The following MARCKS variants were observed in gnomAD, a reference collection of about 807,000 sequenced individuals.
MARCKS encodes the protein myristoylated alanine rich protein kinase C substrate, also known as myristoylated alanine-rich C-kinase substrate.
A neutral mutation model predicts 6.3 loss-of-function variants in MARCKS; 4 were observed. The observed-to-expected ratio is 0.63, with a 90% CI of 0.31 to 1.45. MARCKS has a LOEUF of 1.45. Among genes scored for constraint, MARCKS ranks in the 40% most tolerant of loss-of-function variants. The pLI is 0.07. For synonymous variants in MARCKS, 289 were observed against 236.5 expected, an observed-to-expected ratio of 1.22 and a Z score of -2.04; for missense variants, 636 against 485.7, an observed-to-expected ratio of 1.31 and a Z score of -2.91.
At position 113,860,284 on chromosome 6, in the gene MARCKS, A is replaced by G; in HGVS notation, c.704A>G (p.Gln235Arg). 1 of 1,228,898 alleles carries G rather than the reference A, an allele frequency of 8.1e-7. No individual in the cohort carries two copies. Among genetic ancestry groups the G allele is most frequent in the Non-Finnish European group, 1.0e-6 (1 of 962,076 alleles). The allele number at this position is 1,228,898 out of a possible 1,614,324, so 76.1% of individuals were successfully genotyped here. Residue 235 changes from glutamine (Q) to arginine (R), a missense_variant, in exon 2 of 2, where the codon CAG becomes CGG. Transcript: ENST00000612661. ...GEEGAAGGDP[Q>R]EAKPQEAAVA... ...GAGGGGGCGGCGGGTGGCGACCCGC[A>G]GGAGGCCAAGCCCCAGGAGGCCGCT...
rs1774896954 is a variant in MARCKS, at chr6:113,861,207, A to G, written c.*628A>G. On this transcript the variant is annotated 3_prime_UTR_variant, in exon 2 of 2. Coordinates refer to ENST00000612661, the MANE Select transcript of MARCKS (RefSeq NM_002356.7). ...AATACCCAGATTTAAAAAAAAAAAA[A>G]CGATCATAGTCTTAGGAGTTCATTT... is the stretch of plus-strand genomic sequence containing the variant. The G allele has an allele frequency of 6.6e-6, 1 of 152,418 alleles. No individual in the cohort carries two copies. The highest frequency in any genetic ancestry group is 6.5e-5 in the Admixed American group (1 of 15,272). 9.4% of individuals were successfully genotyped at this position (152,418 alleles called of 1,614,324 possible). A position where few individuals can be genotyped will look rare whatever the true frequency, so the allele number is the denominator to read the frequency against.
rs902548518 is a variant in MARCKS at position 113,857,536 on chromosome 6, T to C, written c.-210T>C. The C allele has an allele frequency of 7.2e-6, 4 of 552,056 alleles. No homozygotes were observed. Among genetic ancestry groups the C allele is most frequent in the Non-Finnish European group, 1.3e-5 (4 of 311,996 alleles). 34.2% of individuals were successfully genotyped at this position (552,056 alleles called of 1,614,324 possible). A position where few individuals can be genotyped will look rare whatever the true frequency, so the allele number is the denominator to read the frequency against. ...TCCCTCCTGTGCTGCTGCTTTTTGA[T>C]CTCTTCGACTAAAATTTTTTTATCC... On this transcript the variant is annotated 5_prime_UTR_variant, in exon 1 of 2. Coordinates refer to ENST00000612661, the MANE Select transcript of MARCKS (RefSeq NM_002356.7).
intron 1 of MARCKS, among the ~76,000 whole-genome samples, chr6:113,858,804 C>G (rs1774829519): frequency 6.6e-6 from 1 of 152,266 alleles, no homozygotes; most frequent in Admixed American, 6.5e-5. Context: ...GCTTTAAACC[C>G]GTTAAAAATG....
In MARCKS at chr6:113,860,221, A is replaced by C. The variant is rs1300064055; in HGVS notation, c.641A>C (p.Gln214Pro). The C allele has an allele frequency of 4.7e-5, 51 of 1,084,874 alleles. No individual in the cohort carries two copies. Among genetic ancestry groups the C allele is most frequent in the Non-Finnish European group, 5.7e-5 (51 of 890,100 alleles). The allele number at this position is 1,084,874 out of a possible 1,614,324, so 67.2% of individuals were successfully genotyped here. Residue 214 changes from glutamine (Q) to proline (P), a missense_variant, in exon 2 of 2, where the codon CAG becomes CCG. Physicochemically the swap from Gln to Pro is moderately conservative, Grantham distance 76. Coordinates refer to ENST00000612661, the MANE Select transcript of MARCKS (RefSeq NM_002356.7). ...AAEAGAASGEQAAAPGEEAAA... is the reference protein window; with the variant it reads ...AAEAGAASGEPAAAPGEEAAA... ...GAGGCGGGCGCGGCCTCCGGGGAGC[A>C]GGCAGCGGCGCCGGGCGAGGAGGCG...
In MARCKS at chr6:113,860,032, C is replaced by A; in HGVS notation, c.452C>A (p.Pro151Gln). ...GATPSPSNET[P>Q]KKKKKRFSFK... ...ACGCCCTCGCCCAGCAACGAGACCC[C>A]GAAAAAAAAAAAGAAGCGCTTTTCC... The change falls in exon 2 of 2, where the codon CCG becomes CAG. Residue 151 changes from proline (P) to glutamine (Q), a missense_variant. Coordinates refer to ENST00000612661, the MANE Select transcript of MARCKS (RefSeq NM_002356.7). The A allele has an allele frequency of 6.4e-7, 1 of 1,564,708 alleles. No individual in the cohort carries two copies. The highest frequency in any genetic ancestry group is 8.6e-7 in the Non-Finnish European group (1 of 1,159,750).
In MARCKS at chr6:113,857,770, G is replaced by A. The variant is rs763437592; in HGVS notation, c.25G>A (p.Ala9Thr). 1.7e-5 allele frequency: 27 copies of A among 1,608,238 alleles called. No homozygotes were observed. Among genetic ancestry groups the A allele is most frequent in the Admixed American group, 8.4e-5 (5 of 59,414 alleles). MGAQFSKT[A>T]AKGEAAAERP... ...CATGGGTGCCCAGTTCTCCAAGACC[G>A]CAGCGAAGGGAGAAGCCGCCGCGGA... is the stretch of plus-strand genomic sequence containing the variant. The change falls in exon 1 of 2, where the codon GCA (alanine) becomes ACA (threonine). Residue 9 changes from alanine to threonine, a missense_variant. Transcript: ENST00000612661.
rs1774804174 is a variant in MARCKS, at chr6:113,857,572, T to G, written c.-174T>G. 3.4e-6 allele frequency: 2 copies of G among 591,692 alleles called. No individual in the cohort carries two copies. Among genetic ancestry groups the G allele is most frequent in the Non-Finnish European group, 6.0e-6 (2 of 333,064 alleles). The allele number at this position is 591,692 out of a possible 1,614,324, so 36.7% of individuals were successfully genotyped here. A position where few individuals can be genotyped will look rare whatever the true frequency, so the allele number is the denominator to read the frequency against. On this transcript the variant is annotated 5_prime_UTR_variant, in exon 1 of 2. Coordinates refer to ENST00000612661, the MANE Select transcript of MARCKS (RefSeq NM_002356.7). Reference sequence around the variant, plus strand: ...AAAATTTTTTTATCCGGAGTGTATTTAATCGGTTCTGTTCTGTCCTCTCCA... The same window carrying G: ...AAAATTTTTTTATCCGGAGTGTATTGAATCGGTTCTGTTCTGTCCTCTCCA...
In MARCKS at chr6:113,857,731, G is replaced by A. The variant is rs1256624305; in HGVS notation, c.-15G>A. The A allele has an allele frequency of 1.3e-6, 2 of 1,589,614 alleles. No individual in the cohort carries two copies. Among genetic ancestry groups the A allele is most frequent in the South Asian group, 2.3e-5 (2 of 88,012 alleles). The stretch of plus-strand genomic sequence containing the variant: ...CCTCTTGGATCTGTTGAGTTTCTTT[G>A]TTGAAGAAGCCAGCATGGGTGCCCA... On this transcript the variant is annotated 5_prime_UTR_variant, in exon 1 of 2. Coordinates refer to ENST00000612661, the MANE Select transcript of MARCKS (RefSeq NM_002356.7).
rs1304329304 is a variant in MARCKS at position 113,863,279 on chromosome 6, G to T, written c.*2700G>T. ...AAAAAAATGTTAATATGGCTTTTTT[G>T]TATTACTAAAAATAGCTTTGAGATT... On this transcript the variant is annotated 3_prime_UTR_variant, in exon 2 of 2. Coordinates refer to ENST00000612661, the MANE Select transcript of MARCKS (RefSeq NM_002356.7). The T allele has an allele frequency of 2.0e-5, 3 of 151,958 alleles. No individual in the cohort carries two copies. The highest frequency in any genetic ancestry group is 4.4e-5 in the Non-Finnish European group (3 of 67,960). 9.4% of individuals were successfully genotyped at this position (151,958 alleles called of 1,614,324 possible).
Position 113,860,371 on chromosome 6 carries a change from T to C in MARCKS, c.791T>C (p.Val264Ala). Residue 264 changes from valine (V) to alanine (A), a missense_variant, in exon 2 of 2, where the codon GTG (valine) becomes GCG (alanine). Transcript: ENST00000612661. ...AAGGCCGCCGAGGAGCCCAGCAAGG[T>C]GGAGGAGAAAAAGGCCGAGGAGGCC... ...ETKAAEEPSKVEEKKAEEAGA... is the reference protein window; with the variant it reads ...ETKAAEEPSKAEEKKAEEAGA... The C allele has an allele frequency of 7.8e-7, 1 of 1,280,888 alleles. No individual in the cohort carries two copies. Among genetic ancestry groups the C allele is most frequent in the Non-Finnish European group, 1.0e-6 (1 of 987,470 alleles). 79.3% of individuals were successfully genotyped at this position (1,280,888 alleles called of 1,614,324 possible).
At chr6:113,859,088 G>A (rs965219335) in intron 1 of MARCKS, among the ~76,000 whole-genome samples, 4 of 152,068 alleles carry the variant, frequency 2.6e-5, no homozygotes, top group African/African-American at 7.2e-5. Flanking sequence ...CGCCCAACGC[G>A]GCGCGGTGGA....
At position 113,860,427 on chromosome 6, in the gene MARCKS, T is replaced by C; in HGVS notation, c.847T>C (p.Ser283Pro). ...GASAAACEAPSAAGPGAPPEQ... is the reference protein window; with the variant it reads ...GASAAACEAPPAAGPGAPPEQ... The stretch of plus-strand genomic sequence containing the variant: ...CAGCGCCGCCGCCTGCGAGGCCCCC[T>C]CCGCCGCCGGGCCCGGCGCGCCCCC... Residue 283 changes from serine (S) to proline (P), a missense_variant, in exon 2 of 2, where the codon TCC (serine) becomes CCC (proline). Transcript: ENST00000612661. 1.8e-6 allele frequency: 2 copies of C among 1,142,558 alleles called. No homozygotes were observed. Among genetic ancestry groups the C allele is most frequent in the Non-Finnish European group, 2.2e-6 (2 of 922,814 alleles). The allele number at this position is 1,142,558 out of a possible 1,614,324, so 70.8% of individuals were successfully genotyped here.
rs1054610418 is a variant in MARCKS, at chr6:113,861,054, A to G, written c.*475A>G. On this transcript the variant is annotated 3_prime_UTR_variant, in exon 2 of 2. Transcript: ENST00000612661. ...AACATTGCCAAAATAGTGTGCCACTAGAAATGGTGTAAAGGCTGTCTTTTT... is the reference window on the plus strand; with the variant it reads ...AACATTGCCAAAATAGTGTGCCACTGGAAATGGTGTAAAGGCTGTCTTTTT... 3 of 149,992 alleles carry G rather than the reference A, an allele frequency of 2.0e-5. No individual in the cohort carries two copies. The highest frequency in any genetic ancestry group is 3.0e-5 in the Non-Finnish European group (2 of 67,644). 9.3% of individuals were successfully genotyped at this position (149,992 alleles called of 1,614,324 possible). A position where few individuals can be genotyped will look rare whatever the true frequency, so the allele number is the denominator to read the frequency against.
rs1219315393 is a variant in MARCKS at position 113,863,252 on chromosome 6, G to A, written c.*2673G>A. The A allele has an allele frequency of 6.6e-6, 1 of 151,892 alleles. No individual in the cohort carries two copies. Among genetic ancestry groups the A allele is most frequent in the Non-Finnish European group, 1.5e-5 (1 of 67,948 alleles). The allele number at this position is 151,892 out of a possible 1,614,324, so 9.4% of individuals were successfully genotyped here. Reference sequence around the variant, plus strand: ...AGTTTTGTACATCATGTTTTCTAACGGAAAAAAATGTTAATATGGCTTTTT... The same window carrying A: ...AGTTTTGTACATCATGTTTTCTAACAGAAAAAAATGTTAATATGGCTTTTT... On this transcript the variant is annotated 3_prime_UTR_variant, in exon 2 of 2. Transcript: ENST00000612661.
chr6:113,860,051 C>A lies in MARCKS; in HGVS notation c.471C>A (p.Arg157=). 1 of 1,575,394 alleles carries A rather than the reference C, an allele frequency of 6.3e-7. No individual in the cohort carries two copies. Among genetic ancestry groups the A allele is most frequent in the East Asian group, 2.4e-5 (1 of 41,850 alleles). Residue 157 remains arginine (R), a synonymous_variant, in exon 2 of 2, where the codon CGC becomes CGA. Transcript: ENST00000612661. ...SNETPKKKKK[R]FSFKKSFKLS... is the part of the protein sequence containing the mutation. Reference sequence around the variant, plus strand: ...AGACCCCGAAAAAAAAAAAGAAGCGCTTTTCCTTCAAGAAGTCTTTCAAGC... The same window carrying A: ...AGACCCCGAAAAAAAAAAAGAAGCGATTTTCCTTCAAGAAGTCTTTCAAGC...
At position 113,859,878 on chromosome 6, in the gene MARCKS, G is replaced by A. The variant is rs1353021605; in HGVS notation, c.298G>A (p.Ala100Thr). The A allele has an allele frequency of 2.1e-6, 3 of 1,411,208 alleles. No homozygotes were observed. The highest frequency in any genetic ancestry group is 1.8e-6 in the Non-Finnish European group (2 of 1,084,742). The allele number at this position is 1,411,208 out of a possible 1,614,324, so 87.4% of individuals were successfully genotyped here. ...CGCCGCCGCTGCCCCCGAGGCCGGG[G>A]CCAGCCCGGTAGAGAAGGAGGCCCC... is the stretch of plus-strand genomic sequence containing the variant. ...PAAAAAPEAG[A>T]SPVEKEAPAE... Residue 100 changes from alanine to threonine, a missense_variant, in exon 2 of 2, where the codon GCC (alanine) becomes ACC (threonine). Coordinates refer to ENST00000612661, the MANE Select transcript of MARCKS (RefSeq NM_002356.7).
At chr6:113,859,125 A>G (rs1774835193) in intron 1 of MARCKS, among the ~76,000 whole-genome samples, 1 of 152,146 alleles carries the variant, frequency 6.6e-6, no homozygotes, top group Non-Finnish European at 1.5e-5. Context: ...CCGGTGCCAA[A>G]GGCCTGGGTG....
At position 113,860,559 on chromosome 6, in the gene MARCKS, C is replaced by A. The variant is rs144738162; in HGVS notation, c.979C>A (p.Pro327Thr). ...GCCCGAGTGCAGTCCAGAAGCCCCC[C>A]CAGCGGAGGCGGCAGAGTAAAAGAG... Reference protein sequence around the residue: ...AQPECSPEAPPAEAAE With the variant: ...AQPECSPEAPTAEAAE Residue 327 changes from proline to threonine, a missense_variant, in exon 2 of 2, where the codon CCA (proline) becomes ACA (threonine). Pro to Thr is a conservative substitution (Grantham distance 38). Transcript: ENST00000612661. 1.9e-5 allele frequency: 30 copies of A among 1,558,198 alleles called. No homozygotes were observed. In the African/African-American group the frequency reaches 4.0e-4, roughly 21 times the overall value.
Position 113,860,424 on chromosome 6 carries a change from C to A in MARCKS, c.844C>A (p.Pro282Thr). 8.7e-7 allele frequency: 1 copy of A among 1,150,408 alleles called. No individual in the cohort carries two copies. The allele number at this position is 1,150,408 out of a possible 1,614,324, so 71.3% of individuals were successfully genotyped here. The change falls in exon 2 of 2, where the codon CCC becomes ACC. Residue 282 changes from proline to threonine, a missense_variant. Pro to Thr is a conservative substitution (Grantham distance 38). Coordinates refer to ENST00000612661, the MANE Select transcript of MARCKS (RefSeq NM_002356.7). ...AGASAAACEA[P>T]SAAGPGAPPE... ...GGCCAGCGCCGCCGCCTGCGAGGCC[C>A]CCTCCGCCGCCGGGCCCGGCGCGCC...
Sources: allele counts gnomAD v4.1 joint callset (sites outside exome capture counted in the v4.1 genomes callset), GRCh38; gene constraint gnomAD v4.1.1; transcripts MANE v1.5; gene names NCBI Gene and HGNC (gene_info 2026-07-23, HGNC 2026-07-21).